NBAS: variants seen among roughly 807,000 people sequenced by gnomAD.
NBAS encodes the protein NAG/BC035112 fusion.
Under a neutral mutation model 302.5 loss-of-function variants are expected in NBAS, and 219 were observed. The observed-to-expected ratio is 0.72, with a 90% CI of 0.65 to 0.81. The LOEUF is 0.81. Ranked by LOEUF, NBAS falls within the 30% of genes least tolerant of loss-of-function variation. NBAS has a pLI of 0.00. For missense variants in NBAS, 2,932 were observed against 2,841.6 expected (o/e 1.03, Z -0.72); for synonymous variants, 1,118 against 1,021.6 (o/e 1.09, Z -1.80).
At chr2:14,922,844 T>A in the NBAS span, among the ~76,000 whole-genome samples, 1 of 152,198 alleles carries the variant, frequency 6.6e-6, no homozygotes, top group Non-Finnish European at 1.5e-5. Flanking sequence ...TACTTGCTAC[T>A]CATCCTTGAT....
intron 38 of NBAS, among the ~76,000 whole-genome samples, chr2:15,321,210 G>C (rs1671790066): frequency 6.6e-6 from 1 of 152,120 alleles, no homozygotes; most frequent in South Asian, 2.1e-4. Flanking sequence ...AGCTGAAACT[G>C]GATCCCTTCT....
chr2:15,005,373 G>T, the NBAS span, among the ~76,000 whole-genome samples: 1 of 152,208 alleles, frequency 6.6e-6, no homozygotes. Context: ...TTTTAAAGGG[G>T]TAGGATTATT....
the NBAS span, among the ~76,000 whole-genome samples, chr2:15,025,584 CT>C: frequency 1.3e-5 from 2 of 152,140 alleles, no homozygotes; most frequent in African/African-American, 4.8e-5. Context: ...ATTGATTCTT[CT>C]TATCCATGAG....
intron 21 of NBAS, among the ~76,000 whole-genome samples, chr2:15,440,535 T>C (rs1011445015): frequency 6.6e-6 from 1 of 151,824 alleles, no homozygotes; most frequent in Non-Finnish European, 1.5e-5. Context: ...AGGCCAAAAG[T>C]AGATAAAACC....
chr2:15,288,272 C>A (rs548222335), intron 41 of NBAS, among the ~76,000 whole-genome samples: 1 of 152,282 alleles, frequency 6.6e-6, no homozygotes, highest in East Asian at 1.9e-4. Flanking sequence ...GAATTCACAG[C>A]CTAGTGGAAG....
the NBAS span, among the ~76,000 whole-genome samples, chr2:15,046,514 G>A: frequency 6.6e-6 from 1 of 152,112 alleles, no homozygotes; most frequent in Admixed American, 6.5e-5. Context: ...ATTATAATGA[G>A]AATAATTTTA....
At chr2:15,386,063 G>T (rs1675278898) in intron 28 of NBAS, among the ~76,000 whole-genome samples, 1 of 152,136 alleles carries the variant, frequency 6.6e-6, no homozygotes, top group Non-Finnish European at 1.5e-5. Flanking sequence ...AATTACCAGA[G>T]AGGGCCACTG....
chr2:14,813,138 A>G, the NBAS span, among the ~76,000 whole-genome samples: 1 of 152,214 alleles, frequency 6.6e-6, no homozygotes, highest in African/African-American at 2.4e-5. Flanking sequence ...ACCTAATCTC[A>G]GGTAGTTCTT....
intron 23 of NBAS, among the ~76,000 whole-genome samples, chr2:15,422,345 C>T (rs1677252375): frequency 6.6e-6 from 1 of 152,086 alleles, no homozygotes; most frequent in South Asian, 2.1e-4. Flanking sequence ...ATTTTGGGGG[C>T]ACCACAATTT....
chr2:15,052,188 C>T, the NBAS span, among the ~76,000 whole-genome samples: 1 of 152,164 alleles, frequency 6.6e-6, no homozygotes, highest in South Asian at 2.1e-4. Flanking sequence ...AGGAAAACTG[C>T]TTCATAATGC....
At chr2:15,051,156 T>C in the NBAS span, among the ~76,000 whole-genome samples, 1 of 152,230 alleles carries the variant, frequency 6.6e-6, no homozygotes, top group African/African-American at 2.4e-5. Flanking sequence ...GATTATTTGG[T>C]GGCTGAACAA....
chr2:15,147,528 G>A, the NBAS span, among the ~76,000 whole-genome samples: 2 of 152,046 alleles, frequency 1.3e-5, no homozygotes, highest in Admixed American at 6.5e-5. Context: ...GGAGGTGGAG[G>A]TTGCTGTGAG....
At chr2:15,418,435 A>G (rs1677050743) in intron 23 of NBAS, among the ~76,000 whole-genome samples, 1 of 152,158 alleles carries the variant, frequency 6.6e-6, no homozygotes, top group Non-Finnish European at 1.5e-5. Context: ...CCTATTCCCA[A>G]TTATTCATGA....
chr2:15,308,031 C>T (rs901719930), intron 40 of NBAS, among the ~76,000 whole-genome samples, 185 bp downstream of exon 40: 3 of 152,152 alleles, frequency 2.0e-5, no homozygotes, highest in African/African-American at 7.2e-5. Context: ...AAATATTAAA[C>T]TCTACTTACT....
At chr2:15,514,371 G>A (rs1473007008) in intron 9 of NBAS, among the ~76,000 whole-genome samples, 16 of 151,966 alleles carry the variant, frequency 1.1e-4, no homozygotes, top group Non-Finnish European at 2.4e-4. Flanking sequence ...GAAATATAAG[G>A]GGTAATCTGG....
At chr2:15,297,635 G>A (rs1038555298) in intron 40 of NBAS, among the ~76,000 whole-genome samples, 1 of 152,182 alleles carries the variant, frequency 6.6e-6, no homozygotes, top group African/African-American at 2.4e-5. Flanking sequence ...CATGCTTCCT[G>A]TTAAGCCTGT....
intron 21 of NBAS, among the ~76,000 whole-genome samples, chr2:15,439,557 T>TA (rs1678231652): frequency 6.6e-6 from 1 of 152,120 alleles, no homozygotes; most frequent in Non-Finnish European, 1.5e-5. Flanking sequence ...AGCTCTGGTC[T>TA]ACAGCTCCCA....
downstream of NBAS, among the ~76,000 whole-genome samples, chr2:15,164,612 C>A (rs1277417108): frequency 6.6e-6 from 1 of 152,166 alleles, no homozygotes; most frequent in Non-Finnish European, 1.5e-5. Context: ...AGGGCCAGGG[C>A]AGCCCTTGCT....
Position 15,558,577 on chromosome 2 carries a change from T to G in NBAS, c.172+3A>C, listed in dbSNP as rs1332490413. ...TTACTGTAGAGAAATAAGCTATATT[T>G]ACCTCGAATTGCTTTCGTGATGATA... On this transcript the variant is annotated splice_donor_region_variant and intron_variant, in intron 2 of 51. Transcript: ENST00000281513. 6.2e-7 allele frequency: 1 copy of G among 1,611,654 alleles called. No individual in the cohort carries two copies. Among genetic ancestry groups the G allele is most frequent in the African/African-American group, 1.3e-5 (1 of 74,884 alleles).
Sources: allele counts gnomAD v4.1 joint callset (sites outside exome capture counted in the v4.1 genomes callset), GRCh38; gene constraint gnomAD v4.1.1; transcripts MANE v1.5; gene names NCBI Gene and HGNC (gene_info 2026-07-23, HGNC 2026-07-21).